The following ZFPM2 variants were observed in gnomAD, a reference collection of about 807,000 sequenced individuals.
ZFPM2 encodes zinc finger protein, FOG family member 2.
ZFPM2 carries 20 observed loss-of-function variants against 98.6 expected under a neutral mutation model. That is an observed-to-expected ratio of 0.20 (90% CI 0.14 to 0.29). ZFPM2 has a LOEUF of 0.29. Ranked by LOEUF, ZFPM2 falls within the 10% of genes least tolerant of loss-of-function variation. The pLI is 1.00. For missense variants in ZFPM2, 1,310 were observed against 1,388.6 expected (o/e 0.94, Z 0.90); for synonymous variants, 518 against 502.7 (o/e 1.03, Z -0.41).
At chr8:105,596,360 A>G (rs1239389169) in intron 4 of ZFPM2, among the ~76,000 whole-genome samples, 1 of 152,086 alleles carries the variant, frequency 6.6e-6, no homozygotes, top group Non-Finnish European at 1.5e-5. Context: ...AGAAAGAAAG[A>G]AAAAAGAAGG....
intron 3 of ZFPM2, among the ~76,000 whole-genome samples, chr8:105,530,254 A>C (rs996134364): frequency 1.3e-5 from 2 of 152,114 alleles, no homozygotes; most frequent in Non-Finnish European, 2.9e-5. Flanking sequence ...AGCAAGACCA[A>C]ACTTTCATAA....
chr8:105,472,525 C>G (rs1307778908), intron 3 of ZFPM2, among the ~76,000 whole-genome samples: 1 of 152,058 alleles, frequency 6.6e-6, no homozygotes, highest in Non-Finnish European at 1.5e-5. Context: ...TTTTTTGAGA[C>G]GGAGTCTCAC....
chr8:105,464,687 A>T (rs1812765037), intron 3 of ZFPM2, among the ~76,000 whole-genome samples: 1 of 151,744 alleles, frequency 6.6e-6, no homozygotes, highest in African/African-American at 2.4e-5. Context: ...AAATAATTAT[A>T]GTTCCAGCCG....
At position 105,803,789 on chromosome 8, in the gene ZFPM2, A is replaced by C; in HGVS notation, c.*251A>C. ...GTGGTTATGTTATTTTTTATTTAAA[A>C]ACTTTATATTAAAGTCATTTGTAAT... is the stretch of plus-strand genomic sequence containing the variant. On this transcript the variant is annotated 3_prime_UTR_variant, in exon 8 of 8. Coordinates refer to ENST00000407775, the MANE Select transcript of ZFPM2 (RefSeq NM_012082.4). 1 of 439,620 alleles carries C rather than the reference A, an allele frequency of 2.3e-6. No homozygotes were observed. The highest frequency in any genetic ancestry group is 4.1e-6 in the Non-Finnish European group (1 of 244,892). 27.2% of individuals were successfully genotyped at this position (439,620 alleles called of 1,614,324 possible).
intron 1 of ZFPM2, among the ~76,000 whole-genome samples, chr8:105,329,139 A>G (rs1216763916): frequency 1.3e-5 from 2 of 151,810 alleles, no homozygotes; most frequent in Admixed American, 1.3e-4. Flanking sequence ...CGTCTGATAA[A>G]ACCTGATTGA....
At chr8:105,764,623 C>G (rs902262086) in intron 5 of ZFPM2, among the ~76,000 whole-genome samples, 7 of 151,640 alleles carry the variant, frequency 4.6e-5, no homozygotes, top group Non-Finnish European at 1.0e-4. Context: ...CTGTTTCATT[C>G]TTAGACCTTG....
chr8:105,477,308 G>A (rs1467609203), intron 3 of ZFPM2, among the ~76,000 whole-genome samples: 7 of 138,760 alleles, frequency 5.0e-5, no homozygotes, highest in Non-Finnish European at 1.1e-4. Context: ...GCAGTGGTGC[G>A]ATCTCAGCTC....
intron 3 of ZFPM2, among the ~76,000 whole-genome samples, chr8:105,514,307 CTTTTT>C (rs56955237): frequency 7.8e-6 from 1 of 127,568 alleles, no homozygotes; most frequent in African/African-American, 3.2e-5. Flanking sequence ...CTGGTCGTGT[CTTTTT>C]TTTTTTTTTT....
At chr8:105,704,470 A>G (rs1229732666) in intron 5 of ZFPM2, among the ~76,000 whole-genome samples, 1 of 152,168 alleles carries the variant, frequency 6.6e-6, no homozygotes, top group Non-Finnish European at 1.5e-5. Flanking sequence ...GAATTAAGCT[A>G]TATCATGTTA....
chr8:105,521,239 A>G (rs1451905404), intron 3 of ZFPM2, among the ~76,000 whole-genome samples: 2 of 152,048 alleles, frequency 1.3e-5, no homozygotes, highest in Non-Finnish European at 2.9e-5. Context: ...GCCATCAGTA[A>G]ATCTAGAAAC....
intron 3 of ZFPM2, among the ~76,000 whole-genome samples, chr8:105,542,425 T>C (rs1814597504): frequency 6.6e-6 from 1 of 152,314 alleles, no homozygotes; most frequent in South Asian, 2.1e-4. Flanking sequence ...GTTTAAGAGC[T>C]CTCAAGTGTC....
At chr8:105,712,148 T>C (rs1811416115) in intron 5 of ZFPM2, among the ~76,000 whole-genome samples, 1 of 151,850 alleles carries the variant, frequency 6.6e-6, no homozygotes, top group Admixed American at 6.6e-5. Flanking sequence ...AGTTATAAGA[T>C]GTTGTTGAAA....
chr8:105,552,924 C>T (rs1244268213), intron 3 of ZFPM2, among the ~76,000 whole-genome samples: 1 of 151,400 alleles, frequency 6.6e-6, no homozygotes, highest in Non-Finnish European at 1.5e-5. Flanking sequence ...ATCCTCCCAC[C>T]TTAGCCTCCT....
At chr8:105,790,026 T>G (rs373752749) in intron 6 of ZFPM2, among the ~76,000 whole-genome samples, 2 of 151,770 alleles carry the variant, frequency 1.3e-5, no homozygotes, top group Admixed American at 6.6e-5. Context: ...TTTCTCCCAT[T>G]TTGTAGGTTG....
chr8:105,550,649 A>G (rs1450474940), intron 3 of ZFPM2, among the ~76,000 whole-genome samples: 1 of 152,202 alleles, frequency 6.6e-6, no homozygotes, highest in African/African-American at 2.4e-5. Context: ...ATTAGAGTAA[A>G]AAATCACATA....
At chr8:105,690,109 G>C (rs1810842557) in intron 5 of ZFPM2, among the ~76,000 whole-genome samples, 1 of 152,160 alleles carries the variant, frequency 6.6e-6, no homozygotes, top group Admixed American at 6.5e-5. Context: ...TGCAAGAATG[G>C]CACATGACAT....
At chr8:105,356,526 A>T (rs1381251588) in intron 1 of ZFPM2, among the ~76,000 whole-genome samples, 1 of 152,186 alleles carries the variant, frequency 6.6e-6, no homozygotes, top group Non-Finnish European at 1.5e-5. Flanking sequence ...CACTGTAAGC[A>T]GTTGTGTTGC....
chr8:105,571,514 C>T (rs1158559060), intron 4 of ZFPM2, among the ~76,000 whole-genome samples: 1 of 152,196 alleles, frequency 6.6e-6, no homozygotes, highest in Non-Finnish European at 1.5e-5. Flanking sequence ...CTGTTATGTG[C>T]TGATAGGTCT....
intron 5 of ZFPM2, among the ~76,000 whole-genome samples, chr8:105,663,761 T>C (rs1195443823): frequency 2.6e-5 from 4 of 152,144 alleles, no homozygotes; most frequent in Admixed American, 1.3e-4. Flanking sequence ...GAAGTGAAAA[T>C]TAAATGTGTT....
Sources: allele counts gnomAD v4.1 joint callset (sites outside exome capture counted in the v4.1 genomes callset), GRCh38; gene constraint gnomAD v4.1.1; transcripts MANE v1.5; gene names NCBI Gene and HGNC (gene_info 2026-07-23, HGNC 2026-07-21).